The following PEMT variants were observed in gnomAD, a reference collection of about 807,000 sequenced individuals.
PEMT encodes phospholipid methyltransferase.
Under a neutral mutation model 27.4 loss-of-function variants are expected in PEMT, and 23 were observed. The observed-to-expected ratio is 0.84, with a 90% CI of 0.60 to 1.19. The LOEUF is 1.19. Among genes scored for constraint, PEMT ranks in the 50% most tolerant of loss-of-function variants. The pLI is 0.00. For synonymous variants in PEMT, 137 were observed against 139.1 expected (o/e 0.98, Z 0.11); for missense variants, 307 against 310.1 (o/e 0.99, Z 0.07).
chr17:17,525,184 C>A (rs148525742), intron 2 of PEMT, among the ~76,000 whole-genome samples: 1 of 152,210 alleles, frequency 6.6e-6, no homozygotes, highest in Non-Finnish European at 1.5e-5. Flanking sequence ...TACAGCCCCC[C>A]TCCCCCAACA....
At position 17,509,699 on chromosome 17, in the gene PEMT, T is replaced by G. The variant is rs372868537; in HGVS notation, c.467-154A>C. On this transcript the variant is annotated intron_variant, in intron 4 of 6. Coordinates refer to ENST00000255389, the MANE Select transcript of PEMT (RefSeq NM_148172.3). Reference sequence around the variant, plus strand: ...TCAGAGAGTTCAACAATGGGCAGAGTCAGAGGGACCCAACAGGCACGCAGA... The same window carrying G: ...TCAGAGAGTTCAACAATGGGCAGAGGCAGAGGGACCCAACAGGCACGCAGA... Among the ~76,000 whole-genome samples, 66 of 151,746 alleles carry G rather than the reference T, an allele frequency of 4.3e-4. 1 individual carries two copies. The South Asian group carries it at 0.013, about 31-fold the overall frequency.
intron 3 of PEMT, among the ~76,000 whole-genome samples, chr17:17,520,113 A>G (rs562401327): frequency 6.6e-6 from 1 of 152,282 alleles, no homozygotes; most frequent in South Asian, 2.1e-4. Context: ...GGGGACTCCA[A>G]GCTCTGAGCG....
intron 1 of PEMT, among the ~76,000 whole-genome samples, chr17:17,584,067 G>C (rs992483572): frequency 6.6e-6 from 1 of 152,236 alleles, no homozygotes; most frequent in African/African-American, 2.4e-5. Flanking sequence ...GGGCCCACGG[G>C]TAAGACGGTG....
At chr17:17,509,587 C>A (rs1195720553) in intron 4 of PEMT, 42 bp from the exon 5 acceptor site, 10 of 1,368,552 alleles carry the variant, frequency 7.3e-6, no homozygotes, top group Non-Finnish European at 1.0e-5. Context: ...TATTCATCAG[C>A]CCTGGCCACA....
chr17:17,522,831 G>A (rs140513748), intron 2 of PEMT, among the ~76,000 whole-genome samples: 3 of 152,318 alleles, frequency 2.0e-5, no homozygotes, highest in African/African-American at 7.2e-5. Context: ...GGAGCACGCG[G>A]CCTTCAGAGC....
At chr17:17,509,602 C>A in intron 4 of PEMT, 57 bp from the exon 5 acceptor site, 1 of 1,218,212 alleles carries the variant, frequency 8.2e-7, no homozygotes, top group Non-Finnish European at 1.2e-6. Context: ...GCCACACCAT[C>A]ACTGAGGGAG....
chr17:17,525,670 A>G lies in PEMT; in HGVS notation c.205-3275T>C, dbSNP rs368728629. On this transcript the variant is annotated intron_variant, in intron 2 of 6. Coordinates refer to ENST00000255389, the MANE Select transcript of PEMT (RefSeq NM_148172.3). ...CAAATTTCCTCTCCCCGGCACTGCC[A>G]GGACCCTCCAGGTAAATGTAAGCTT... 1.6e-4 allele frequency among the ~76,000 whole-genome samples: 25 copies of G among 152,342 alleles called. No homozygotes were observed. The East Asian group carries it at 4.6e-3, about 28-fold the overall frequency.
At position 17,586,279 on chromosome 17, in the gene PEMT, AGAAAG is replaced by A. The variant is rs1300739752; in HGVS notation, c.96+5247_96+5251del. Among the ~76,000 whole-genome samples, 1,049 of 110,808 alleles carry A rather than the reference AGAAAG, an allele frequency of 9.5e-3. 30 individuals are homozygous for A. The highest frequency in any genetic ancestry group is 0.014 in the Non-Finnish European group (774 of 56,338). 72.7% of individuals were successfully genotyped at this position (110,808 alleles called of 152,430 possible). ...AAGAAAGAAAGAAAGAAAGAAAGAA[AGAAAG>A]AAAGAAAAAAAAAAACGCAGGTGGA... is the stretch of plus-strand genomic sequence containing the variant. On this transcript the variant is annotated intron_variant, in intron 1 of 6. Transcript: ENST00000255389.
At chr17:17,532,044 C>A (rs1908137558) in intron 2 of PEMT, among the ~76,000 whole-genome samples, 2 of 152,030 alleles carry the variant, frequency 1.3e-5, no homozygotes, top group Non-Finnish European at 2.9e-5. Context: ...AAACAAAAAA[C>A]TCAATTTTTT....
rs1906562397 is a variant in PEMT, at chr17:17,513,355, G to A, written c.321-701C>T. On this transcript the variant is annotated intron_variant, in intron 3 of 6. Coordinates refer to ENST00000255389, the MANE Select transcript of PEMT (RefSeq NM_148172.3). This position sits in a 1 kb window ranked among gnomAD's most constrained non-coding sequence, Gnocchi z 4.1. ...CTCACGCCTGCAATCCCAGCACTTT[G>A]GGAGGCCGAGGTGGGCGGGTCACCT... 6.6e-6 allele frequency among the ~76,000 whole-genome samples: 1 copy of A among 152,212 alleles called. No homozygotes were observed. The highest frequency in any genetic ancestry group is 1.5e-5 in the Non-Finnish European group (1 of 68,032).
At chr17:17,579,119 G>T (rs1162503221) in intron 1 of PEMT, among the ~76,000 whole-genome samples, 4 of 152,142 alleles carry the variant, frequency 2.6e-5, no homozygotes, top group Non-Finnish European at 5.9e-5. Context: ...TTCTGCCCAG[G>T]GTCAGCCAGC....
At chr17:17,554,894 G>A (rs1258743949) in intron 2 of PEMT, among the ~76,000 whole-genome samples, 1 of 152,148 alleles carries the variant, frequency 6.6e-6, no homozygotes, top group Non-Finnish European at 1.5e-5. Flanking sequence ...AGGATTACAG[G>A]CACGAGCCAT....
chr17:17,540,045 G>T lies in PEMT; in HGVS notation c.205-17650C>A, dbSNP rs1908772956. Among the ~76,000 whole-genome samples the T allele has an allele frequency of 2.0e-5, 3 of 152,246 alleles. No individual in the cohort carries two copies. The South Asian group carries it at 6.2e-4, about 31-fold the overall frequency. ...AAGGCTGGGGGCATGGAAGGACAGA[G>T]ACATCTTCTGGAAAAGACAGAATCT... On this transcript the variant is annotated intron_variant, in intron 2 of 6. Coordinates refer to ENST00000255389, the MANE Select transcript of PEMT (RefSeq NM_148172.3).
At position 17,510,645 on chromosome 17, in the gene PEMT, C is replaced by T. The variant is rs1368298305; in HGVS notation, c.467-1100G>A. Among the ~76,000 whole-genome samples the T allele has an allele frequency of 3.3e-4, 50 of 152,164 alleles. 1 individual carries two copies. Among genetic ancestry groups the T allele is most frequent in the Admixed American group, 3.3e-3 (50 of 15,280 alleles). On this transcript the variant is annotated intron_variant, in intron 4 of 6. Transcript: ENST00000255389. ...TCACAGCAGGAAGTGACCACCTTTG[C>T]CTACATACCGCGCTGCTGGTCCTCG...
chr17:17,511,632 G>A (rs1174174623), intron 4 of PEMT, among the ~76,000 whole-genome samples: 1 of 152,224 alleles, frequency 6.6e-6, no homozygotes, highest in Admixed American at 6.5e-5. Flanking sequence ...CTCCTGCACT[G>A]GCCAGGGCTG....
chr17:17,516,515 C>T (rs898011593), intron 3 of PEMT, among the ~76,000 whole-genome samples: 3 of 152,150 alleles, frequency 2.0e-5, no homozygotes, highest in African/African-American at 7.2e-5. Context: ...TGCCTCCTCA[C>T]GACCTGTAAA....
Position 17,512,915 on chromosome 17 carries a change from C to T in PEMT, c.321-261G>A, listed in dbSNP as rs1456351055. Among the ~76,000 whole-genome samples, 1 of 152,302 alleles carries T rather than the reference C, an allele frequency of 6.6e-6. No homozygotes were observed. The highest frequency in any genetic ancestry group is 6.5e-5 in the Admixed American group (1 of 15,300). The stretch of plus-strand genomic sequence containing the variant: ...AATCCTGACTCGTATGTGAAATATC[C>T]TAATTTTTAGAAATAGACAATTCAT... On this transcript the variant is annotated intron_variant, in intron 3 of 6. Transcript: ENST00000255389. This position sits in a 1 kb window ranked among gnomAD's most constrained non-coding sequence, Gnocchi z 6.3.
Position 17,512,407 on chromosome 17 carries a change from C to T in PEMT, c.466+102G>A. ...CCCGATGGAGGGGGCCCCTAGCACT[C>T]CCACCGATGTCACGGATAGCAGGGC... is the stretch of plus-strand genomic sequence containing the variant. On this transcript the variant is annotated intron_variant, in intron 4 of 6. Coordinates refer to ENST00000255389, the MANE Select transcript of PEMT (RefSeq NM_148172.3). This position sits in a 1 kb window ranked among gnomAD's most constrained non-coding sequence, Gnocchi z 6.3. 4 of 1,204,224 alleles carry T rather than the reference C, an allele frequency of 3.3e-6. No homozygotes were observed. The highest frequency in any genetic ancestry group is 4.4e-6 in the Non-Finnish European group (4 of 906,984). The allele number at this position is 1,204,224 out of a possible 1,614,324, so 74.6% of individuals were successfully genotyped here.
In PEMT at chr17:17,509,530, A is replaced by G; in HGVS notation, c.482T>C (p.Ile161Thr). 1 of 1,612,972 alleles carries G rather than the reference A, an allele frequency of 6.2e-7. No individual in the cohort carries two copies. The highest frequency in any genetic ancestry group is 8.5e-7 in the Non-Finnish European group (1 of 1,178,980). ...AGTFLGDYFGILKEARVTVFP... is the reference protein window; with the variant it reads ...AGTFLGDYFGTLKEARVTVFP... ...CACGGTCACTCTCGCCTCCTTGAGG[A>G]TCCCGAAGTAATCACCTGTGGATGA... Residue 161 changes from isoleucine to threonine, a missense_variant, in exon 5 of 7, where the codon ATC (isoleucine) becomes ACC (threonine). Coordinates refer to ENST00000255389, the MANE Select transcript of PEMT (RefSeq NM_148172.3).
Sources: gnomAD v4.1 joint callset for allele counts (sites outside exome capture counted in the v4.1 genomes callset) on GRCh38, gnomAD v4.1.1 for gene constraint, Gnocchi (gnomAD v3.1) non-coding constraint, MANE v1.5 for transcripts, NCBI Gene and HGNC (gene_info 2026-07-23, HGNC 2026-07-21) for gene names.